GRID2: variants seen among roughly 807,000 people sequenced by gnomAD.
The protein encoded by GRID2 is glutamate receptor ionotropic, delta-2.
GRID2 carries 33 observed loss-of-function variants against 114.8 expected under a neutral mutation model. The observed-to-expected ratio is 0.29, with a 90% CI of 0.22 to 0.38. The LOEUF is 0.38. Ranked by LOEUF, GRID2 falls within the 10% of genes least tolerant of loss-of-function variation. GRID2 has a pLI of 1.00. For missense variants in GRID2, 1,184 were observed against 1,257.7 expected (o/e 0.94, Z 0.89); for synonymous variants, 505 against 449.9 (o/e 1.12, Z -1.55).
At chr4:93,163,385 T>TACAC in intron 4 of GRID2, among the ~76,000 whole-genome samples, 1 of 45,246 alleles carries the variant, frequency 2.2e-5, no homozygotes, top group East Asian at 4.9e-4. Context: ...TATATATATA[T>TACAC]ATATATATAT....
At chr4:93,726,346 C>G (rs1240348593) in intron 14 of GRID2, among the ~76,000 whole-genome samples, 2 of 152,058 alleles carry the variant, frequency 1.3e-5, no homozygotes, top group East Asian at 1.9e-4. Context: ...TGGTCTATAT[C>G]TCTGTTTTGG....
intron 14 of GRID2, among the ~76,000 whole-genome samples, chr4:93,721,689 T>C (rs1182860635): frequency 1.3e-5 from 2 of 152,302 alleles, no homozygotes; most frequent in Non-Finnish European, 2.9e-5. Flanking sequence ...AAAAATGCAA[T>C]AAAAGTTAGT....
chr4:93,009,262 C>T (rs769673278), intron 2 of GRID2, among the ~76,000 whole-genome samples: 20 of 152,088 alleles, frequency 1.3e-4, no homozygotes, highest in Admixed American at 1.0e-3. Context: ...GTTGGTTCCC[C>T]TTGAAAGCAG....
intron 2 of GRID2, among the ~76,000 whole-genome samples, chr4:92,646,066 T>C (rs1731602665): frequency 6.6e-6 from 1 of 151,730 alleles, no homozygotes; most frequent in African/African-American, 2.4e-5. Context: ...ACCGGCTTCG[T>C]AGGAGAGTTC....
chr4:93,539,980 G>T (rs1732493790), intron 13 of GRID2, among the ~76,000 whole-genome samples: 1 of 151,898 alleles, frequency 6.6e-6, no homozygotes, highest in Non-Finnish European at 1.5e-5. Flanking sequence ...TTATTTTACT[G>T]ATGGATACTT....
chr4:93,410,125 CA>C (rs1387387801), intron 9 of GRID2, among the ~76,000 whole-genome samples: 1 of 151,710 alleles, frequency 6.6e-6, no homozygotes, highest in Non-Finnish European at 1.5e-5. Context: ...TTGCAAATGA[CA>C]ATAACAATAC....
intron 8 of GRID2, among the ~76,000 whole-genome samples, chr4:93,264,709 G>GATATATATAT (rs70942961): frequency 0.092 from 12,245 of 132,556 alleles, 874 homozygotes; most frequent in East Asian, 0.17. Flanking sequence ...AGTTTTGAAT[G>GATATATATAT]ATATATATAT....
intron 1 of GRID2, among the ~76,000 whole-genome samples, chr4:92,412,152 T>C (rs1312168598): frequency 6.6e-6 from 1 of 151,986 alleles, no homozygotes; most frequent in Non-Finnish European, 1.5e-5. Flanking sequence ...GTGTGTTCAA[T>C]TGGCTCTTGT....
chr4:92,722,060 T>G (rs905934249), intron 2 of GRID2, among the ~76,000 whole-genome samples: 1 of 152,056 alleles, frequency 6.6e-6, no homozygotes, highest in Non-Finnish European at 1.5e-5. Context: ...GATCAAAAGA[T>G]TCATAGAGAT....
chr4:92,427,969 A>C (rs1443175244), intron 1 of GRID2, among the ~76,000 whole-genome samples: 3 of 152,150 alleles, frequency 2.0e-5, no homozygotes, highest in African/African-American at 4.8e-5. Flanking sequence ...GCTAATAAAA[A>C]TAATAGTTTT....
chr4:93,027,331 C>A (rs1408645245), intron 2 of GRID2, among the ~76,000 whole-genome samples: 1 of 151,974 alleles, frequency 6.6e-6, no homozygotes, highest in East Asian at 1.9e-4. Context: ...TTACTAACTT[C>A]AACATTCTCA....
chr4:92,468,022 T>C (rs1484986245), intron 1 of GRID2, among the ~76,000 whole-genome samples: 1 of 151,330 alleles, frequency 6.6e-6, no homozygotes, highest in Non-Finnish European at 1.5e-5. Flanking sequence ...ATACTATGTG[T>C]ATATGAAAGA....
chr4:92,713,699 T>C (rs959376310), intron 2 of GRID2, among the ~76,000 whole-genome samples: 3 of 151,666 alleles, frequency 2.0e-5, no homozygotes, highest in Non-Finnish European at 4.4e-5. Context: ...TTTCATGTGA[T>C]GGCAGACAAG....
At chr4:93,633,061 C>G (rs569815184) in intron 14 of GRID2, among the ~76,000 whole-genome samples, 1 of 152,066 alleles carries the variant, frequency 6.6e-6, no homozygotes, top group South Asian at 2.1e-4. Context: ...CTCTCTCTCT[C>G]TACACATGCA....
chr4:92,607,820 TAGA>T lies in GRID2; in HGVS notation c.244+17537_244+17539del, dbSNP rs1729531253. Among the ~76,000 whole-genome samples, 4 of 151,832 alleles carry T rather than the reference TAGA, an allele frequency of 2.6e-5. No homozygotes were observed. In the South Asian group the frequency reaches 8.3e-4, roughly 31 times the overall value. On this transcript the variant is annotated intron_variant, in intron 2 of 15. Coordinates refer to ENST00000282020, the MANE Select transcript of GRID2 (RefSeq NM_001510.4). ...ATTAGCGAAGAATGTAGAGGTAACT[TAGA>T]AGCACTCTACCTCTTCCAAAGCTTT... is the stretch of plus-strand genomic sequence containing the variant.
At chr4:92,588,520 C>CA (rs1050311403) in intron 1 of GRID2, among the ~76,000 whole-genome samples, 127 of 149,118 alleles carry the variant, frequency 8.5e-4, no homozygotes, top group Admixed American at 4.9e-3. Flanking sequence ...ACTACAAATA[C>CA]AAAAAAAAAT....
intron 3 of GRID2, among the ~76,000 whole-genome samples, chr4:93,106,492 A>G (rs1283862251): frequency 6.6e-6 from 1 of 152,092 alleles, no homozygotes; most frequent in South Asian, 2.1e-4. Flanking sequence ...GACGACGAGC[A>G]TGCACCACCA....
intron 2 of GRID2, among the ~76,000 whole-genome samples, chr4:92,860,489 A>G (rs1285123900): frequency 6.6e-6 from 1 of 152,148 alleles, no homozygotes; most frequent in African/African-American, 2.4e-5. Flanking sequence ...GATAGATTTG[A>G]TGGCATTTCA....
At chr4:92,770,214 A>G (rs1424588214) in intron 2 of GRID2, among the ~76,000 whole-genome samples, 1 of 152,216 alleles carries the variant, frequency 6.6e-6, no homozygotes, top group Admixed American at 6.5e-5. Flanking sequence ...TTGCTAAAAC[A>G]TAAAGAGAAT....
Sources: allele counts gnomAD v4.1 joint callset (sites outside exome capture counted in the v4.1 genomes callset), GRCh38; gene constraint gnomAD v4.1.1; transcripts MANE v1.5; gene names NCBI Gene and HGNC (gene_info 2026-07-23, HGNC 2026-07-21).